SEH1L: variants seen among roughly 807,000 people sequenced by gnomAD.
SEH1L encodes the protein SEH1 like nucleoporin.
Under a neutral mutation model 49.5 loss-of-function variants are expected in SEH1L, and 18 were observed. That is an observed-to-expected ratio of 0.36 (90% CI 0.25 to 0.54). SEH1L has a LOEUF of 0.54. Among genes scored for constraint, SEH1L ranks in the 20% least tolerant of loss-of-function variants. SEH1L has a pLI of 0.87. For missense variants in SEH1L, 404 were observed against 528.8 expected (o/e 0.76, Z 2.31); for synonymous variants, 169 against 178.1 (o/e 0.95, Z 0.41).
At chr18:12,979,482 A>C (rs2032071897) in intron 6 of SEH1L, among the ~76,000 whole-genome samples, 1 of 151,758 alleles carries the variant, frequency 6.6e-6, no homozygotes, top group Non-Finnish European at 1.5e-5. Flanking sequence ...CTACACAGAC[A>C]CGGCAACCAT....
intron 1 of SEH1L, among the ~76,000 whole-genome samples, chr18:12,950,012 G>A (rs2030419766): frequency 6.6e-6 from 1 of 151,082 alleles, no homozygotes; most frequent in African/African-American, 2.5e-5. Context: ...ATTTCACTTA[G>A]TATAATTTTT....
At chr18:12,964,886 G>A (rs974829418) in intron 4 of SEH1L, among the ~76,000 whole-genome samples, 4 of 151,244 alleles carry the variant, frequency 2.6e-5, no homozygotes, top group African/African-American at 4.9e-5. Context: ...TGATCTGCCC[G>A]CCTTGGCCTC....
In SEH1L at chr18:12,987,001, C is replaced by G; in HGVS notation, c.1210C>G (p.Arg404Gly). The G allele has an allele frequency of 1.2e-6, 2 of 1,613,672 alleles. No individual in the cohort carries two copies. Among genetic ancestry groups the G allele is most frequent in the Non-Finnish European group, 1.7e-6 (2 of 1,179,752 alleles). ...TGCCAACCTCCAGTATCCTCACCCTCGCAGACGATATCTCTCTCGGCCTCT... is the reference window on the plus strand; with the variant it reads ...TGCCAACCTCCAGTATCCTCACCCTGGCAGACGATATCTCTCTCGGCCTCT... ...DTANLQYPHP[R>G]RRYLSRPLNP... Residue 404 changes from arginine (R) to glycine (G), a missense_variant, in exon 9 of 9, where the codon CGC becomes GGC. Arg to Gly is a moderately radical substitution (Grantham distance 125). This residue lies in a region of SEH1L where 342 missense variants were observed against 430.8 expected (regional missense o/e 0.79). Transcript: ENST00000399892.
intron 6 of SEH1L, among the ~76,000 whole-genome samples, chr18:12,981,722 CTATT>C (rs932447989): frequency 2.0e-5 from 3 of 152,084 alleles, no homozygotes; most frequent in Admixed American, 2.0e-4. Flanking sequence ...AAGTGGCAGT[CTATT>C]TAGGGAAAAC....
chr18:12,986,301 T>C lies in SEH1L; in HGVS notation c.1071-561T>C, dbSNP rs75646889. ...TAGGGCACAGTCATTCTGTGAATCC[T>C]TTTACTTATCAAAATTTGGTAGCTA... On this transcript the variant is annotated intron_variant, in intron 8 of 8. Coordinates refer to ENST00000399892, the MANE Select transcript of SEH1L (RefSeq NM_001013437.2). 0.011 allele frequency: 10,607 copies of C among 985,432 alleles called. 691 individuals carry two copies. In the African/African-American group the frequency reaches 0.15, roughly 14 times the overall value. The allele number at this position is 985,432 out of a possible 1,614,324, so 61.0% of individuals were successfully genotyped here.
intron 4 of SEH1L, among the ~76,000 whole-genome samples, chr18:12,970,855 T>C (rs1455899061): frequency 6.6e-6 from 1 of 152,244 alleles, no homozygotes; most frequent in African/African-American, 2.4e-5. Context: ...TTAAGTATCT[T>C]TTAAAAATAT....
At chr18:12,973,782 T>C (rs2031798686) in intron 5 of SEH1L, 1 of 152,222 alleles carries the variant, frequency 6.6e-6, no homozygotes, top group Non-Finnish European at 1.5e-5. Flanking sequence ...GTGACTCAGT[T>C]GCTCAATGAT....
intron 1 of SEH1L, among the ~76,000 whole-genome samples, chr18:12,951,539 C>T (rs952163648): frequency 8.5e-5 from 13 of 152,098 alleles, no homozygotes; most frequent in African/African-American, 1.2e-4. Context: ...TATAGGCATG[C>T]GGCACCATGC....
intron 8 of SEH1L, chr18:12,985,466 T>C: frequency 7.8e-7 from 1 of 1,280,836 alleles, no homozygotes; most frequent in South Asian, 2.7e-5. Flanking sequence ...TTGAAACTTT[T>C]GAAATATAAA....
intron 1 of SEH1L, among the ~76,000 whole-genome samples, chr18:12,949,772 T>G (rs1437894598): frequency 1.3e-5 from 2 of 152,060 alleles, no homozygotes. Context: ...CGTTTTAAAG[T>G]GTAGAATTCA....
intron 7 of SEH1L, among the ~76,000 whole-genome samples, chr18:12,983,665 A>G (rs561461215): frequency 1.3e-5 from 2 of 152,266 alleles, no homozygotes; most frequent in Non-Finnish European, 2.9e-5. Flanking sequence ...ATAATTAAGA[A>G]GACAACTTCA....
intron 3 of SEH1L, 42 bp downstream of exon 3, chr18:12,955,651 G>A (rs1024941578): frequency 1.0e-5 from 16 of 1,602,906 alleles, no homozygotes; most frequent in East Asian, 2.2e-5. Flanking sequence ...GAAGACATGA[G>A]CAGCCAAGGA....
intron 8 of SEH1L, chr18:12,985,341 C>G: frequency 1.3e-6 from 2 of 1,551,566 alleles, no homozygotes; most frequent in South Asian, 2.4e-5. Flanking sequence ...CCTTCCCCAG[C>G]GCCGTTTGAC....
At chr18:12,986,675 G>A in intron 8 of SEH1L, 187 bp from the exon 9 acceptor site, 3 of 1,229,384 alleles carry the variant, frequency 2.4e-6, no homozygotes, top group South Asian at 3.6e-5. Context: ...TTGAGTAAGG[G>A]TCTTGATTTG....
intron 8 of SEH1L, chr18:12,985,412 A>G: frequency 7.4e-7 from 1 of 1,354,276 alleles, no homozygotes; most frequent in Non-Finnish European, 9.5e-7. Context: ...GGCCTTTAAA[A>G]ATACAGTGTA....
At chr18:12,949,809 T>A (rs2030404356) in intron 1 of SEH1L, among the ~76,000 whole-genome samples, 1 of 152,036 alleles carries the variant, frequency 6.6e-6, no homozygotes. Context: ...CATTCACATT[T>A]TTGTGCAGCG....
At chr18:12,966,895 C>G (rs1198221577) in intron 4 of SEH1L, among the ~76,000 whole-genome samples, 3 of 152,214 alleles carry the variant, frequency 2.0e-5, no homozygotes, top group Non-Finnish European at 4.4e-5. Flanking sequence ...ACTCCATCTC[C>G]CAGATCTCCA....
chr18:12,986,690 A>G, intron 8 of SEH1L, 172 bp from the exon 9 acceptor site: 1 of 1,263,026 alleles, frequency 7.9e-7, no homozygotes, highest in Admixed American at 3.9e-5. Context: ...GATTTGTGCT[A>G]TTATGTTCTG....
intron 4 of SEH1L, among the ~76,000 whole-genome samples, 188 bp from the exon 5 acceptor site, chr18:12,970,965 C>T (rs2031674756): frequency 6.6e-6 from 1 of 152,098 alleles, no homozygotes; most frequent in Middle Eastern, 3.2e-3. Flanking sequence ...CTTCAGTTCC[C>T]ATGTGTGACA....
Sources: gnomAD v4.1 joint callset for allele counts (sites outside exome capture counted in the v4.1 genomes callset) on GRCh38, gnomAD v4.1.1 for gene constraint, gnomAD v4.1.1 regional missense constraint, MANE v1.5 for transcripts, NCBI Gene and HGNC (gene_info 2026-07-23, HGNC 2026-07-21) for gene names.